The following RSBN1L variants were observed in gnomAD, a reference collection of about 807,000 sequenced individuals.
The protein encoded by RSBN1L is lysine-specific demethylase RSBN1L.
A neutral mutation model predicts 67.7 loss-of-function variants in RSBN1L; 30 were observed. That is an observed-to-expected ratio of 0.44 (90% CI 0.33 to 0.60). The LOEUF (loss-of-function observed/expected upper bound fraction) is 0.60. RSBN1L is among the 20% of genes least tolerant of loss of function. RSBN1L has a pLI of 0.02. For synonymous variants in RSBN1L, 433 were observed against 387.0 expected (o/e 1.12, Z -1.39); for missense variants, 992 against 1,031.7 (o/e 0.96, Z 0.53).
At chr7:77,721,195 G>A (rs976383221) in intron 1 of RSBN1L, among the ~76,000 whole-genome samples, 1 of 151,400 alleles carries the variant, frequency 6.6e-6, no homozygotes, top group Non-Finnish European at 1.5e-5. Context: ...TAGCTGCAAT[G>A]TAAAAGACAC....
intron 1 of RSBN1L, among the ~76,000 whole-genome samples, chr7:77,699,988 G>A (rs944823737): frequency 6.6e-6 from 1 of 151,992 alleles, no homozygotes; most frequent in African/African-American, 2.4e-5. Flanking sequence ...GTAGAGAGGG[G>A]GTTTCACCAT....
chr7:77,773,304 T>G lies in RSBN1L; in HGVS notation c.1783T>G (p.Cys595Gly). The G allele has an allele frequency of 6.4e-7, 1 of 1,565,928 alleles. No individual in the cohort carries two copies. ...AAVGVLKAVH[C>G]GEWPDQPRIT... Reference sequence around the variant, plus strand: ...TGTTGGAGTGCTGAAGGCTGTGCACTGTGGAGAGTGGTATATATAACTACC... The same window carrying G: ...TGTTGGAGTGCTGAAGGCTGTGCACGGTGGAGAGTGGTATATATAACTACC... The change falls in exon 6 of 8, where the codon TGT becomes GGT. Residue 595 changes from cysteine to glycine, a missense_variant. By Grantham distance (159) the Cys-to-Gly change is radical. Transcript: ENST00000334955.
chr7:77,699,459 G>C (rs1282842088), intron 1 of RSBN1L, among the ~76,000 whole-genome samples: 1 of 152,164 alleles, frequency 6.6e-6, no homozygotes. Context: ...GAACGTATTT[G>C]GGTTAAATGA....
chr7:77,765,421 A>G (rs1053209518), intron 3 of RSBN1L, 74 bp from the exon 4 acceptor site: 52 of 1,171,122 alleles, frequency 4.4e-5, no homozygotes, highest in Non-Finnish European at 5.7e-5. Context: ...TCTTATGTGT[A>G]ACTTTTAATT....
intron 1 of RSBN1L, among the ~76,000 whole-genome samples, chr7:77,719,345 G>A (rs1386581218): frequency 1.3e-5 from 2 of 152,150 alleles, no homozygotes; most frequent in Admixed American, 1.3e-4. Flanking sequence ...CGAGAGTCTG[G>A]TTCCCATAGT....
intron 1 of RSBN1L, among the ~76,000 whole-genome samples, chr7:77,712,602 A>C (rs1584276736): frequency 1.3e-5 from 2 of 152,188 alleles, no homozygotes; most frequent in Admixed American, 6.5e-5. Flanking sequence ...TTTAATGCAC[A>C]CAACATTGTT....
intron 1 of RSBN1L, among the ~76,000 whole-genome samples, chr7:77,712,658 ATACTGTTCCATGTCAATATGT>A (rs1263071745): frequency 1.3e-5 from 2 of 152,182 alleles, no homozygotes; most frequent in African/African-American, 4.8e-5. Flanking sequence ...TATATTAGAA[ATACTGTTCCATGTCAATATGT>A]GTAGAACTAT....
At position 77,749,923 on chromosome 7, in the gene RSBN1L, G is replaced by A; in HGVS notation, c.1203G>A (p.Met401Ile). 1.2e-6 allele frequency: 2 copies of A among 1,614,084 alleles called. No homozygotes were observed. Among genetic ancestry groups the A allele is most frequent in the Non-Finnish European group, 1.7e-6 (2 of 1,180,000 alleles). Reference sequence around the variant, plus strand: ...AAAACTCTGCAGCTTTCTACGTGATGGGTATTGTTCATGGGGCAGCTACTT... The same window carrying A: ...AAAACTCTGCAGCTTTCTACGTGATAGGTATTGTTCATGGGGCAGCTACTT... ...ENENSAAFYVMGIVHGAATYL... is the reference protein window; with the variant it reads ...ENENSAAFYVIGIVHGAATYL... The change falls in exon 3 of 8, where the codon ATG becomes ATA. Residue 401 changes from methionine (M) to isoleucine (I), a missense_variant. This residue lies in a region of RSBN1L where 63 missense variants were observed against 84.8 expected (regional missense o/e 0.74). Transcript: ENST00000334955.
chr7:77,729,695 G>GT (rs1791250040), intron 1 of RSBN1L, among the ~76,000 whole-genome samples: 1 of 152,196 alleles, frequency 6.6e-6, no homozygotes, highest in Admixed American at 6.5e-5. Flanking sequence ...GCTCACCACT[G>GT]TAATCCCAGC....
chr7:77,715,011 C>T (rs1000403676), intron 1 of RSBN1L, among the ~76,000 whole-genome samples: 3 of 150,672 alleles, frequency 2.0e-5, no homozygotes, highest in African/African-American at 7.3e-5. Flanking sequence ...GTGACTCATG[C>T]TTGTAATCCC....
chr7:77,768,116 A>G (rs1791798328), intron 4 of RSBN1L, among the ~76,000 whole-genome samples: 1 of 151,594 alleles, frequency 6.6e-6, no homozygotes, highest in South Asian at 2.1e-4. Flanking sequence ...CGGCCTCCCA[A>G]AGTGCTCGGA....
chr7:77,748,687 C>G (rs1410157073), intron 2 of RSBN1L, among the ~76,000 whole-genome samples: 1 of 151,834 alleles, frequency 6.6e-6, no homozygotes, highest in Non-Finnish European at 1.5e-5. Flanking sequence ...GTTTTGCTCT[C>G]TTGGGCGGGG....
intron 1 of RSBN1L, among the ~76,000 whole-genome samples, chr7:77,721,857 A>G (rs1297921620): frequency 6.6e-6 from 1 of 152,184 alleles, no homozygotes; most frequent in Non-Finnish European, 1.5e-5. Context: ...GACATGGTAA[A>G]CTATACATTT....
At chr7:77,702,512 A>G (rs1790832341) in intron 1 of RSBN1L, among the ~76,000 whole-genome samples, 1 of 151,732 alleles carries the variant, frequency 6.6e-6, no homozygotes, top group African/African-American at 2.4e-5. Flanking sequence ...GAGCAAGGTT[A>G]ATGACTAATG....
intron 5 of RSBN1L, among the ~76,000 whole-genome samples, chr7:77,770,786 T>G (rs1045840656): frequency 4.2e-4 from 64 of 152,244 alleles, no homozygotes; most frequent in African/African-American, 1.4e-3. Context: ...GTATCTAATA[T>G]GATTTTGTTT....
chr7:77,721,210 C>T (rs909439525), intron 1 of RSBN1L, among the ~76,000 whole-genome samples: 2 of 150,266 alleles, frequency 1.3e-5, no homozygotes, highest in Non-Finnish European at 3.0e-5. Context: ...AGACACTGCT[C>T]ATTGTTGGTA....
chr7:77,719,948 A>G (rs939403664), intron 1 of RSBN1L, among the ~76,000 whole-genome samples: 14 of 152,134 alleles, frequency 9.2e-5, no homozygotes, highest in Admixed American at 6.6e-5. Context: ...TATTTTCCGT[A>G]GAGAAAGGGT....
intron 1 of RSBN1L, among the ~76,000 whole-genome samples, chr7:77,700,393 TTC>T (rs1437098094): frequency 6.6e-6 from 1 of 152,246 alleles, no homozygotes; most frequent in East Asian, 1.9e-4. Flanking sequence ...ACTTACTTTT[TTC>T]CTTAAAATGA....
intron 2 of RSBN1L, among the ~76,000 whole-genome samples, chr7:77,749,171 T>A (rs1221410864): frequency 6.6e-6 from 1 of 152,126 alleles, no homozygotes; most frequent in African/African-American, 2.4e-5. Context: ...GGAGAATTGC[T>A]TGAACCCAGG....
Sources: gnomAD v4.1 joint callset for allele counts (sites outside exome capture counted in the v4.1 genomes callset) on GRCh38, gnomAD v4.1.1 for gene constraint, gnomAD v4.1.1 regional missense constraint, MANE v1.5 for transcripts, NCBI Gene and HGNC (gene_info 2026-07-23, HGNC 2026-07-21) for gene names.